The following ADGRD1 variants were observed in gnomAD, a reference collection of about 807,000 sequenced individuals.
The protein encoded by ADGRD1 is adhesion G protein-coupled receptor D1, also known as G-protein coupled receptor 133.
ADGRD1 carries 77 observed loss-of-function variants against 113.4 expected under a neutral mutation model. That is an observed-to-expected ratio of 0.68 (90% CI 0.57 to 0.82). The LOEUF (loss-of-function observed/expected upper bound fraction) is 0.82, where lower values mean the gene tolerates loss of function less well. ADGRD1 is among the 40% of genes least tolerant of loss of function. The probability of loss-of-function intolerance (pLI) is 0.00; values close to 1 mark genes in which losing one functional copy is unlikely to be tolerated. For synonymous variants in ADGRD1, 474 were observed against 475.0 expected (o/e 1.00, Z 0.03); for missense variants, 1,036 against 1,139.1 (o/e 0.91, Z 1.30).
chr12:131,043,147 G>A (rs1244859621), intron 13 of ADGRD1, among the ~76,000 whole-genome samples: 4 of 152,194 alleles, frequency 2.6e-5, no homozygotes, highest in African/African-American at 9.6e-5. Flanking sequence ...AGCGAGACAG[G>A]CCAGGGTCCT....
At chr12:131,121,925 C>T (rs906705099) in intron 20 of ADGRD1, 17 of 152,422 alleles carry the variant, frequency 1.1e-4, no homozygotes, top group African/African-American at 4.1e-4. Flanking sequence ...GGGATGGAGT[C>T]GAATGTTGGT....
intron 13 of ADGRD1, among the ~76,000 whole-genome samples, chr12:131,048,273 G>A (rs926272298): frequency 6.6e-6 from 1 of 152,244 alleles, no homozygotes; most frequent in African/African-American, 2.4e-5. Flanking sequence ...GGCACGGTGG[G>A]TGGGCAGCCC....
Position 131,141,457 on chromosome 12 carries a change from T to C in ADGRD1, c.*2194T>C, listed in dbSNP as rs1951242948. 6.6e-6 allele frequency: 1 copy of C among 152,258 alleles called. No individual in the cohort carries two copies. The highest frequency in any genetic ancestry group is 1.5e-5 in the Non-Finnish European group (1 of 68,046). 9.4% of individuals were successfully genotyped at this position (152,258 alleles called of 1,614,324 possible). A position where few individuals can be genotyped will look rare whatever the true frequency, so the allele number is the denominator to read the frequency against. On this transcript the variant is annotated 3_prime_UTR_variant, in exon 25 of 25. Transcript: ENST00000261654. ...GTGATTTTTATGAAATAAACTCATG[T>C]CCTGAAAAGAAAGTGTGCTCCTTAA...
At chr12:131,030,353 T>A (rs898970319) in intron 13 of ADGRD1, among the ~76,000 whole-genome samples, 3 of 152,202 alleles carry the variant, frequency 2.0e-5, no homozygotes, top group Non-Finnish European at 1.5e-5. Context: ...AAATTAAGAA[T>A]CTGTGGGGAG....
rs117905137 is a variant in ADGRD1, at chr12:131,031,535, G to C, written c.1473+17195G>C. Among the ~76,000 whole-genome samples, 724 of 152,202 alleles carry C rather than the reference G, an allele frequency of 4.8e-3. 44 individuals are homozygous for C. The East Asian group carries it at 0.12, about 25-fold the overall frequency. On this transcript the variant is annotated intron_variant, in intron 13 of 24. Transcript: ENST00000261654. ...CTTCTCAGATTTGCGTTTGTCGGTG[G>C]TTTTCCCAAGGTTCCAGGATTAGCA...
At chr12:131,017,847 A>G (rs1352831488) in intron 13 of ADGRD1, among the ~76,000 whole-genome samples, 1 of 150,278 alleles carries the variant, frequency 6.7e-6, no homozygotes, top group South Asian at 2.1e-4. Flanking sequence ...CAGTGCACAC[A>G]CACCCAGCAC....
At chr12:131,048,841 CCT>C (rs1883097512) in intron 13 of ADGRD1, among the ~76,000 whole-genome samples, 1 of 152,098 alleles carries the variant, frequency 6.6e-6, no homozygotes, top group African/African-American at 2.4e-5. Context: ...TGCTGTCTCC[CCT>C]CTCCGAGACT....
intron 11 of ADGRD1, among the ~76,000 whole-genome samples, chr12:131,005,082 A>T (rs1045995506): frequency 6.6e-6 from 1 of 152,162 alleles, no homozygotes; most frequent in African/African-American, 2.4e-5. Context: ...CTCATCAGAC[A>T]TCTCTCTCTG....
chr12:131,081,656 AT>A (rs1259007574), intron 14 of ADGRD1, among the ~76,000 whole-genome samples: 1 of 152,132 alleles, frequency 6.6e-6, no homozygotes, highest in Non-Finnish European at 1.5e-5. Flanking sequence ...CATTGCTAGT[AT>A]TTTTTCCCCC....
In ADGRD1 at chr12:131,003,711, G is replaced by C. The variant is rs888040630; in HGVS notation, c.1144+409G>C. ...GTAGAGGCAGAGGTGATGACCTTTC[G>C]ATTTTAAAAGTCTTTACCAGGAGTG... On this transcript the variant is annotated intron_variant, in intron 10 of 24. Coordinates refer to ENST00000261654, the MANE Select transcript of ADGRD1 (RefSeq NM_198827.5). This position sits in a 1 kb window ranked among gnomAD's most constrained non-coding sequence, Gnocchi z 4.8. Among the ~76,000 whole-genome samples the C allele has an allele frequency of 6.6e-6, 1 of 152,214 alleles. No homozygotes were observed. Among genetic ancestry groups the C allele is most frequent in the Non-Finnish European group, 1.5e-5 (1 of 68,034 alleles).
intron 20 of ADGRD1, among the ~76,000 whole-genome samples, chr12:131,127,317 G>A (rs551094354): frequency 5.9e-4 from 90 of 152,334 alleles, no homozygotes; most frequent in African/African-American, 2.1e-3. Context: ...TTTGCTGCAA[G>A]TTGATCATCC....
intron 8 of ADGRD1, among the ~76,000 whole-genome samples, chr12:130,993,073 T>C (rs893026921): frequency 2.6e-5 from 4 of 152,152 alleles, no homozygotes; most frequent in Non-Finnish European, 5.9e-5. Flanking sequence ...GATCTGCAGT[T>C]ACTCTGTGTC....
intron 13 of ADGRD1, among the ~76,000 whole-genome samples, chr12:131,038,563 A>G (rs1346701829): frequency 6.6e-6 from 1 of 152,224 alleles, no homozygotes; most frequent in African/African-American, 2.4e-5. Context: ...CAGACATGGC[A>G]AGTGGAAATG....
At chr12:131,053,633 A>G (rs565495239) in intron 13 of ADGRD1, among the ~76,000 whole-genome samples, 10 of 152,174 alleles carry the variant, frequency 6.6e-5, no homozygotes, top group African/African-American at 2.4e-4. Context: ...GGTGCTAATC[A>G]ACATGGATAA....
Position 131,027,842 on chromosome 12 carries a change from G to A in ADGRD1, c.1473+13502G>A, listed in dbSNP as rs1450253494. ...TATGGTATGACAGTTTTTACAAAGC[G>A]AACATACCCAAGAAATCACCCCTCA... On this transcript the variant is annotated intron_variant, in intron 13 of 24. Transcript: ENST00000261654. This position sits in a 1 kb window ranked among gnomAD's most constrained non-coding sequence, Gnocchi z 5.1. The A allele has an allele frequency of 3.3e-5, 5 of 152,196 alleles. No homozygotes were observed. Among genetic ancestry groups the A allele is most frequent in the South Asian group, 2.1e-4 (1 of 4,822 alleles). The allele number at this position is 152,196 out of a possible 1,614,324, so 9.4% of individuals were successfully genotyped here.
At chr12:130,969,539 C>T (rs567020598) in intron 3 of ADGRD1, 178 of 157,278 alleles carry the variant, frequency 1.1e-3, no homozygotes, top group Non-Finnish European at 1.8e-3. Context: ...ATCTAATGCC[C>T]GATGATCTGT....
chr12:130,996,986 T>C (rs1308114), intron 8 of ADGRD1, among the ~76,000 whole-genome samples: 7 of 105,518 alleles, frequency 6.6e-5, no homozygotes, highest in Admixed American at 9.1e-5. Context: ...CCCTCCCGGA[T>C]GGGGCGGCTG....
chr12:131,108,413 A>T (rs570058735), intron 17 of ADGRD1, among the ~76,000 whole-genome samples: 1 of 152,222 alleles, frequency 6.6e-6, no homozygotes, highest in Admixed American at 6.5e-5. Context: ...CAGGTGAGTC[A>T]TGTGCCCATC....
In ADGRD1 at chr12:131,001,083, AT is replaced by A. The variant is rs903571054; in HGVS notation, c.1026+651del. ...ATCCTGGTCATTTCATGTAATATGTATTTTTTTTTTCTTTACCATCCCATCA... is the reference window on the plus strand; with the variant it reads ...ATCCTGGTCATTTCATGTAATATGTATTTTTTTTTCTTTACCATCCCATCA... On this transcript the variant is annotated intron_variant, in intron 9 of 24. Coordinates refer to ENST00000261654, the MANE Select transcript of ADGRD1 (RefSeq NM_198827.5). Among the ~76,000 whole-genome samples, 101 of 150,216 alleles carry A rather than the reference AT, an allele frequency of 6.7e-4. 1 individual carries two copies. The highest frequency in any genetic ancestry group is 1.8e-3 in the African/African-American group (73 of 41,010).
Sources: gnomAD v4.1 joint callset for allele counts (sites outside exome capture counted in the v4.1 genomes callset) on GRCh38, gnomAD v4.1.1 for gene constraint, Gnocchi (gnomAD v3.1) non-coding constraint, MANE v1.5 for transcripts, NCBI Gene and HGNC (gene_info 2026-07-23, HGNC 2026-07-21) for gene names.